Variants in STK3 observed in about 807,000 individuals in gnomAD.
STK3 encodes the protein serine/threonine kinase 3.
A neutral mutation model predicts 58.0 loss-of-function variants in STK3; 41 were observed. That is an observed-to-expected ratio of 0.71 (90% CI 0.55 to 0.92). The LOEUF (loss-of-function observed/expected upper bound fraction) is 0.92. Among genes scored for constraint, STK3 ranks in the 40% least tolerant of loss-of-function variants. The probability of loss-of-function intolerance (pLI) is 0.00; values close to 1 mark genes in which losing one functional copy is unlikely to be tolerated. For missense variants in STK3, 479 were observed against 602.7 expected (o/e 0.79, Z 2.15); for synonymous variants, 170 against 191.0 (o/e 0.89, Z 0.91).
chr8:98,506,283 G>A (rs776415757), intron 10 of STK3, among the ~76,000 whole-genome samples: 6 of 152,186 alleles, frequency 3.9e-5, no homozygotes, highest in Admixed American at 6.5e-5. Flanking sequence ...GAGGCATCCC[G>A]TTTTTCCAGG....
Position 98,766,195 on chromosome 8 carries a change from T to C in STK3, c.236+1048A>G, listed in dbSNP as rs1233174923. Among the ~76,000 whole-genome samples the C allele has an allele frequency of 6.6e-5, 10 of 152,324 alleles. No individual in the cohort carries two copies. The South Asian group carries it at 1.9e-3, about 28-fold the overall frequency. On this transcript the variant is annotated intron_variant, in intron 3 of 10. Transcript: ENST00000419617. ...ACCAGTCACTACAATGAGTGTGCTA[T>C]ATTACAGCTATTTATTTATATATTT...
intron 6 of STK3, among the ~76,000 whole-genome samples, chr8:98,672,030 C>G (rs1286190708): frequency 6.6e-6 from 1 of 152,182 alleles, no homozygotes; most frequent in African/African-American, 2.4e-5. Context: ...TTTCCTCAGG[C>G]CTTCTCAGCC....
chr8:98,416,962 G>C (rs371338843), intron 3 of STK3, among the ~76,000 whole-genome samples: 123 of 152,332 alleles, frequency 8.1e-4, no homozygotes, highest in African/African-American at 2.9e-3. Flanking sequence ...CCCACAGACA[G>C]ACCAGCCAGA....
rs559125480 is a variant in STK3, at chr8:98,903,832, A to G, written c.-78-19998T>C. Among the ~76,000 whole-genome samples the G allele has an allele frequency of 2.0e-5, 3 of 152,278 alleles. No homozygotes were observed. The East Asian group carries it at 5.8e-4, about 29-fold the overall frequency. On this transcript the variant is annotated intron_variant, in intron 1 of 1. Transcript: ENST00000519420. ...ATTTACTGCAGCTTTCATTCAAAAT[A>G]CGTTTTTTATCATCTGTCACACAGG...
chr8:98,806,451 C>A (rs1037792346), intron 1 of STK3, among the ~76,000 whole-genome samples: 3 of 152,132 alleles, frequency 2.0e-5, no homozygotes, highest in Admixed American at 2.0e-4. Flanking sequence ...GCTGAAATGG[C>A]CAATGGGGAT....
At chr8:98,938,189 T>C (rs903386642) in intron 1 of STK3, among the ~76,000 whole-genome samples, 1 of 151,580 alleles carries the variant, frequency 6.6e-6, no homozygotes, top group African/African-American at 2.4e-5. Flanking sequence ...AAATAGATGA[T>C]GACAAGAGGC....
intron 6 of STK3, among the ~76,000 whole-genome samples, chr8:98,695,794 G>C (rs1824860849): frequency 6.6e-6 from 1 of 152,202 alleles, no homozygotes; most frequent in Non-Finnish European, 1.5e-5. Flanking sequence ...AAGTCAGGTA[G>C]TGTGATGCCT....
At chr8:98,805,939 C>T (rs1319551348) in intron 1 of STK3, among the ~76,000 whole-genome samples, 3 of 152,134 alleles carry the variant, frequency 2.0e-5, no homozygotes, top group Non-Finnish European at 4.4e-5. Context: ...CTACCACTGT[C>T]CCCACCCATC....
At chr8:98,600,655 AG>A (rs767243609) in intron 6 of STK3, among the ~76,000 whole-genome samples, 5 of 152,250 alleles carry the variant, frequency 3.3e-5, no homozygotes, top group Non-Finnish European at 7.3e-5. Context: ...TTCAGTCTCT[AG>A]AAAAAAGTGG....
At chr8:98,373,836 C>T (rs540320313) in intron 2 of STK3, among the ~76,000 whole-genome samples, 1 of 152,312 alleles carries the variant, frequency 6.6e-6, no homozygotes, top group African/African-American at 2.4e-5. Context: ...ACCTAAGTGG[C>T]TTGCCGAAGT....
the STK3 span, among the ~76,000 whole-genome samples, chr8:98,352,669 C>T: frequency 4.6e-5 from 7 of 152,060 alleles, no homozygotes; most frequent in African/African-American, 7.2e-5. Context: ...AGATGACTCT[C>T]GAAGAAACAT....
intron 3 of STK3, chr8:98,413,517 C>G (rs755575682): frequency 1.6e-6 from 1 of 638,630 alleles, no homozygotes; most frequent in Non-Finnish European, 3.0e-6. Context: ...ACTAGTGACA[C>G]TTAAAGGAGA....
At chr8:98,579,508 C>A (rs16897087) in intron 8 of STK3, among the ~76,000 whole-genome samples, 156 bp downstream of exon 8, 1,698 of 152,162 alleles carry the variant, frequency 0.011, 43 homozygotes, top group African/African-American at 0.039. Flanking sequence ...AAAAAGATAG[C>A]AAACATATAA....
chr8:98,712,229 G>A (rs775025575), intron 4 of STK3, among the ~76,000 whole-genome samples: 21 of 152,100 alleles, frequency 1.4e-4, no homozygotes, highest in Non-Finnish European at 2.4e-4. Flanking sequence ...ATCAACTAAC[G>A]AGCAAAATAA....
At chr8:98,699,338 G>A (rs1330402808) in intron 6 of STK3, among the ~76,000 whole-genome samples, 30 of 152,042 alleles carry the variant, frequency 2.0e-4, no homozygotes, top group African/African-American at 6.0e-4. Flanking sequence ...TAGTTTGATC[G>A]TCTGAAGCCT....
intron 10 of STK3, among the ~76,000 whole-genome samples, chr8:98,510,014 T>G (rs113608469): frequency 3.3e-5 from 5 of 152,158 alleles, no homozygotes; most frequent in African/African-American, 1.2e-4. Flanking sequence ...TAACTTAGAA[T>G]AAATTCAAAA....
intron 3 of STK3, chr8:98,427,934 C>T: frequency 7.0e-7 from 1 of 1,435,092 alleles, no homozygotes; most frequent in Non-Finnish European, 9.3e-7. Flanking sequence ...CCCTCCGCTT[C>T]CAGGTGTAGC....
chr8:98,423,565 G>A (rs746950564), intron 3 of STK3, among the ~76,000 whole-genome samples: 10 of 152,232 alleles, frequency 6.6e-5, no homozygotes, highest in Non-Finnish European at 1.3e-4. Flanking sequence ...ACATGACCTC[G>A]TTTGTGTTTT....
At chr8:98,548,827 C>T (rs1156326191) in intron 8 of STK3, among the ~76,000 whole-genome samples, 1 of 151,922 alleles carries the variant, frequency 6.6e-6, no homozygotes, top group Non-Finnish European at 1.5e-5. Flanking sequence ...TTCATAATTA[C>T]TATTATACTT....
Sources: gnomAD v4.1 joint callset for allele counts (sites outside exome capture counted in the v4.1 genomes callset) on GRCh38, gnomAD v4.1.1 for gene constraint, MANE v1.5 for transcripts, NCBI Gene and HGNC (gene_info 2026-07-23, HGNC 2026-07-21) for gene names.